The following SVIL variants were observed in gnomAD, a reference collection of about 807,000 sequenced individuals.
The protein encoded by SVIL is supervillin, also known as archvillin.
Under a neutral mutation model 240.4 loss-of-function variants are expected in SVIL, and 101 were observed. The ratio of observed to expected loss-of-function variants is 0.42; its 90% CI spans 0.36 to 0.50. The LOEUF is 0.50. SVIL is among the 20% of genes least tolerant of loss of function. The pLI, the probability that SVIL is intolerant of heterozygous loss-of-function variation, is 0.01. For synonymous variants in SVIL, 999 were observed against 1,100.0 expected (o/e 0.91, Z 1.82); for missense variants, 2,512 against 2,818.7 (o/e 0.89, Z 2.46).
intron 1 of SVIL, among the ~76,000 whole-genome samples, chr10:29,717,546 A>G (rs1476213714): frequency 2.0e-5 from 3 of 152,178 alleles, no homozygotes; most frequent in African/African-American, 7.2e-5. Context: ...CTTTGTTGAT[A>G]TTGATAAATT....
chr10:29,501,518 T>C (rs538151429), intron 17 of SVIL, among the ~76,000 whole-genome samples: 22 of 152,220 alleles, frequency 1.4e-4, no homozygotes, highest in African/African-American at 5.3e-4. Context: ...TGAGTGGTTC[T>C]GGTAAAGCGT....
chr10:29,645,438 C>T (rs950025030), intron 3 of SVIL, among the ~76,000 whole-genome samples: 2 of 152,112 alleles, frequency 1.3e-5, no homozygotes, highest in African/African-American at 2.4e-5. Flanking sequence ...GGTGTGGTGG[C>T]GGGCTCTTGT....
intron 7 of SVIL, among the ~76,000 whole-genome samples, chr10:29,535,313 C>A (rs774653435): frequency 6.6e-6 from 1 of 152,104 alleles, no homozygotes; most frequent in Non-Finnish European, 1.5e-5. Flanking sequence ...GAGACTGAAG[C>A]GCGGTTCCAG....
intron 3 of SVIL, among the ~76,000 whole-genome samples, chr10:29,653,247 G>C (rs1016195198): frequency 6.6e-6 from 1 of 152,122 alleles, no homozygotes; most frequent in African/African-American, 2.4e-5. Context: ...CCCCCTTGCT[G>C]TTCTTGTGAT....
chr10:29,470,496 C>A lies in SVIL; in HGVS notation c.5636-13G>T, dbSNP rs1311168354. On this transcript the variant is annotated splice_polypyrimidine_tract_variant and intron_variant, in intron 31 of 37. Transcript: ENST00000355867. ...AGCCGCCACTCACCTGCAGGGGGCA[C>A]CGGCGGCGCGGAGGAGTTAGCACGT... 1.2e-6 allele frequency: 2 copies of A among 1,613,754 alleles called. No individual in the cohort carries two copies. Among genetic ancestry groups the A allele is most frequent in the Admixed American group, 1.7e-5 (1 of 60,004 alleles).
chr10:29,627,864 A>G (rs550881517), intron 1 of SVIL, among the ~76,000 whole-genome samples: 1 of 152,216 alleles, frequency 6.6e-6, no homozygotes, highest in Admixed American at 6.5e-5. Context: ...AAATGTATGA[A>G]ATCATAAATC....
rs530203032 is a variant in SVIL at position 29,488,862 on chromosome 10, G to C, written c.4193-106C>G. ...TGACTCAACACCTTTGTCTTTTCAA[G>C]TTAATCCCGAGAGGGAAAACATACT... On this transcript the variant is annotated intron_variant, in intron 22 of 37. Coordinates refer to ENST00000355867, the MANE Select transcript of SVIL (RefSeq NM_021738.3). 82 of 1,278,626 alleles carry C rather than the reference G, an allele frequency of 6.4e-5. No individual in the cohort carries two copies. In the African/African-American group the frequency reaches 1.0e-3, roughly 16 times the overall value. The allele number at this position is 1,278,626 out of a possible 1,614,324, so 79.2% of individuals were successfully genotyped here. A position where few individuals can be genotyped will look rare whatever the true frequency, so the allele number is the denominator to read the frequency against.
intron 3 of SVIL, chr10:29,647,107 A>T (rs1286563406): frequency 6.6e-6 from 1 of 152,188 alleles, no homozygotes; most frequent in Non-Finnish European, 1.5e-5. Context: ...GACAAGCAAG[A>T]TGATAGATAA....
At position 29,512,853 on chromosome 10, in the gene SVIL, A is replaced by G; in HGVS notation, c.3398T>C (p.Leu1133Pro). Residue 1133 changes from leucine to proline, a missense_variant, in exon 17 of 38, where the codon CTG (leucine) becomes CCG (proline). Leu to Pro is a moderately conservative substitution (Grantham distance 98, BLOSUM62 -3). Transcript: ENST00000355867. ...KTMSIKERLA[L>P]LKKSGEEDWR... ...ATCTTCCTCCCCGCTTTTCTTCAAC[A>G]GTGCCAATCTAGGAGGAAAACATGC... 2 of 1,610,106 alleles carry G rather than the reference A, an allele frequency of 1.2e-6. No individual in the cohort carries two copies. Among genetic ancestry groups the G allele is most frequent in the Non-Finnish European group, 1.7e-6 (2 of 1,179,754 alleles).
In SVIL at chr10:29,532,200, A is replaced by G. The variant is rs199774810; in HGVS notation, c.1839-28T>C. On this transcript the variant is annotated intron_variant, in intron 8 of 37. Transcript: ENST00000355867. ...TTGAGAATCAAAGGGCAGAGAGTATAAGGAAGGCAAACGAAGACAGAGAAA... is the reference window on the plus strand; with the variant it reads ...TTGAGAATCAAAGGGCAGAGAGTATGAGGAAGGCAAACGAAGACAGAGAAA... 60 of 1,603,362 alleles carry G rather than the reference A, an allele frequency of 3.7e-5. No individual in the cohort carries two copies. In the East Asian group the frequency reaches 1.1e-3, roughly 30 times the overall value.
intron 2 of SVIL, among the ~76,000 whole-genome samples, chr10:29,685,451 G>A (rs765045071): frequency 6.6e-6 from 1 of 152,226 alleles, no homozygotes; most frequent in African/African-American, 2.4e-5. Flanking sequence ...TAATGGGATT[G>A]CTGGGTCAAA....
intron 35 of SVIL, 150 bp downstream of exon 35, chr10:29,463,342 G>A (rs1944490570): frequency 1.0e-6 from 1 of 1,004,380 alleles, no homozygotes; most frequent in South Asian, 1.9e-5. Flanking sequence ...AAAGTTAAAG[G>A]GGAAAAAATT....
chr10:29,532,272 C>T, intron 8 of SVIL, 100 bp from the exon 9 acceptor site: 1 of 1,392,886 alleles, frequency 7.2e-7, no homozygotes, highest in Non-Finnish European at 9.7e-7. Flanking sequence ...AAGGGACAGA[C>T]ACCACCAAAC....
intron 34 of SVIL, among the ~76,000 whole-genome samples, chr10:29,464,258 G>A (rs1262462454): frequency 6.6e-6 from 1 of 151,896 alleles, no homozygotes; most frequent in African/African-American, 2.4e-5. Flanking sequence ...GCCACATGAT[G>A]AGACCCTATC....
At chr10:29,476,236 A>AT (rs1946179669) in intron 29 of SVIL, among the ~76,000 whole-genome samples, 2 of 152,230 alleles carry the variant, frequency 1.3e-5, no homozygotes, top group South Asian at 4.1e-4. Flanking sequence ...CACTAAATAG[A>AT]TTATTGAGGA....
At chr10:29,704,158 C>G (rs371123975) in intron 1 of SVIL, among the ~76,000 whole-genome samples, 1 of 152,104 alleles carries the variant, frequency 6.6e-6, no homozygotes, top group African/African-American at 2.4e-5. Context: ...ACTTCCTGCT[C>G]CAGTGGGCTG....
intron 2 of SVIL, among the ~76,000 whole-genome samples, chr10:29,665,595 A>G (rs534249624): frequency 1.4e-4 from 22 of 152,254 alleles, no homozygotes; most frequent in Non-Finnish European, 2.8e-4. Context: ...GGAGATCGAG[A>G]CCATCCTGGC....
intron 1 of SVIL, among the ~76,000 whole-genome samples, chr10:29,580,400 A>G (rs77555919): frequency 0.05 from 7,612 of 152,240 alleles, 604 homozygotes; most frequent in African/African-American, 0.17. Flanking sequence ...GGCCAGCCAC[A>G]ACAAAATCAA....
intron 3 of SVIL, among the ~76,000 whole-genome samples, chr10:29,653,578 A>G (rs1958909503): frequency 6.6e-6 from 1 of 152,042 alleles, no homozygotes; most frequent in Non-Finnish European, 1.5e-5. Flanking sequence ...ACATTTATCT[A>G]TTTTTATTTT....
Sources: gnomAD v4.1 joint callset for allele counts (sites outside exome capture counted in the v4.1 genomes callset) on GRCh38, gnomAD v4.1.1 for gene constraint, MANE v1.5 for transcripts, NCBI Gene and HGNC (gene_info 2026-07-23, HGNC 2026-07-21) for gene names.